CHL1: variants seen among roughly 807,000 people sequenced by gnomAD.
The protein encoded by CHL1 is neural cell adhesion molecule L1-like protein.
A neutral mutation model predicts 141.9 loss-of-function variants in CHL1; 96 were observed. The observed-to-expected ratio is 0.68, with a 90% CI of 0.57 to 0.80. The LOEUF (loss-of-function observed/expected upper bound fraction) is 0.80, where lower values mean the gene tolerates loss of function less well. Ranked by LOEUF, CHL1 falls within the 30% of genes least tolerant of loss-of-function variation. The pLI, the probability that CHL1 is intolerant of heterozygous loss-of-function variation, is 0.00. For synonymous variants in CHL1, 613 were observed against 502.2 expected (o/e 1.22, Z -2.95); for missense variants, 1,820 against 1,457.2 (o/e 1.25, Z -4.05).
At chr3:341,031 T>C (rs1702307357) in intron 6 of CHL1, 115 bp downstream of exon 6, 1 of 1,145,426 alleles carries the variant, frequency 8.7e-7, no homozygotes, top group Non-Finnish European at 1.2e-6. Context: ...AATTTTTTCA[T>C]ATTTGAAGAG....
At chr3:212,836 G>A (rs1404321006) in intron 1 of CHL1, among the ~76,000 whole-genome samples, 5 of 152,146 alleles carry the variant, frequency 3.3e-5, no homozygotes, top group Admixed American at 2.0e-4. Flanking sequence ...CCATTCGACA[G>A]TCTCCAATTC....
chr3:311,406 A>G (rs957191480), intron 2 of CHL1, among the ~76,000 whole-genome samples: 1 of 149,396 alleles, frequency 6.7e-6, no homozygotes, highest in African/African-American at 2.5e-5. Flanking sequence ...TAGCATCAGT[A>G]TCTGTCACAG....
chr3:391,747 C>T lies in CHL1; in HGVS notation c.2864C>T (p.Pro955Leu). ...KDTATLSWGL[P>L]KKLNGNLTGY... The stretch of plus-strand genomic sequence containing the variant: ...ACTGCCACTTTATCTTGGGGACTAC[C>T]TAAGAAATTAAATGGAAACTTAACT... The change falls in exon 23 of 28, where the codon CCT becomes CTT. Residue 955 changes from proline to leucine, a missense_variant. Coordinates refer to ENST00000256509, the MANE Select transcript of CHL1 (RefSeq NM_006614.4). The T allele has an allele frequency of 3.1e-6, 5 of 1,601,426 alleles. No individual in the cohort carries two copies. Among genetic ancestry groups the T allele is most frequent in the Non-Finnish European group, 4.3e-6 (5 of 1,172,014 alleles).
At chr3:317,331 A>G (rs1700219334) in intron 2 of CHL1, among the ~76,000 whole-genome samples, 1 of 152,012 alleles carries the variant, frequency 6.6e-6, no homozygotes, top group Non-Finnish European at 1.5e-5. Context: ...GAGACCAGTG[A>G]ACTTACTGCC....
At chr3:234,692 T>C (rs1691772692) in intron 1 of CHL1, among the ~76,000 whole-genome samples, 1 of 151,986 alleles carries the variant, frequency 6.6e-6, no homozygotes, top group South Asian at 2.1e-4. Flanking sequence ...GCAGGTGCAA[T>C]GGCTCAAGCA....
intron 2 of CHL1, among the ~76,000 whole-genome samples, chr3:259,162 C>A (rs1694464746): frequency 6.6e-6 from 1 of 152,054 alleles, no homozygotes; most frequent in Admixed American, 6.6e-5. Context: ...CTCAAGTGAT[C>A]TGCCCATTTC....
intron 5 of CHL1, among the ~76,000 whole-genome samples, chr3:331,655 C>T (rs908413214): frequency 6.6e-6 from 1 of 151,834 alleles, no homozygotes; most frequent in African/African-American, 2.4e-5. Flanking sequence ...GAAGAAAGTA[C>T]AAACAAAAAT....
At chr3:325,510 C>G (rs548938910) in intron 3 of CHL1, among the ~76,000 whole-genome samples, 5 of 151,982 alleles carry the variant, frequency 3.3e-5, no homozygotes, top group Middle Eastern at 3.4e-3. Flanking sequence ...AAAATTATAG[C>G]ATATCAGTGG....
intron 8 of CHL1, among the ~76,000 whole-genome samples, chr3:343,670 A>G (rs1575119479): frequency 6.6e-6 from 1 of 152,318 alleles, no homozygotes; most frequent in East Asian, 1.9e-4. Context: ...AATATTCTCT[A>G]TAAAATGTGG....
chr3:289,589 G>C (rs187878211), intron 2 of CHL1, among the ~76,000 whole-genome samples: 1 of 152,038 alleles, frequency 6.6e-6, no homozygotes, highest in Non-Finnish European at 1.5e-5. Flanking sequence ...CTTGGTTCCT[G>C]CACGACTCTG....
At chr3:238,135 A>G (rs775989872) in intron 1 of CHL1, among the ~76,000 whole-genome samples, 7 of 152,102 alleles carry the variant, frequency 4.6e-5, no homozygotes, top group Non-Finnish European at 1.0e-4. Flanking sequence ...CTCATGTATC[A>G]TTTTCCTTTT....
chr3:394,483 G>T (rs1022117912), intron 23 of CHL1, among the ~76,000 whole-genome samples: 10 of 152,126 alleles, frequency 6.6e-5, no homozygotes, highest in Non-Finnish European at 1.5e-4. Flanking sequence ...CAAGATGGGA[G>T]CAAAGGGCTT....
At chr3:237,297 G>A (rs1272132800) in intron 1 of CHL1, among the ~76,000 whole-genome samples, 1 of 152,184 alleles carries the variant, frequency 6.6e-6, no homozygotes, top group East Asian at 1.9e-4. Flanking sequence ...CACCATGCAA[G>A]ATGTCCCTTG....
chr3:206,023 A>T (rs1699407356), intron 1 of CHL1, among the ~76,000 whole-genome samples: 1 of 152,044 alleles, frequency 6.6e-6, no homozygotes, highest in Admixed American at 6.5e-5. Context: ...TATGGTCTTC[A>T]CTATGGACTA....
chr3:269,286 G>A (rs1695430086), intron 2 of CHL1, among the ~76,000 whole-genome samples: 1 of 152,176 alleles, frequency 6.6e-6, no homozygotes, highest in Non-Finnish European at 1.5e-5. Context: ...CAAGTCAAGT[G>A]AAGGGCTCCA....
rs1704842735 is a variant in CHL1 at position 366,118 on chromosome 3, A to T, written c.1751+3A>T. On this transcript the variant is annotated splice_donor_region_variant and intron_variant, in intron 15 of 27. Transcript: ENST00000256509. ...ATTAATGGCACAGAAGATGGCAGGTAGGTAAACTATTATGATATGTCATAA... is the reference window on the plus strand; with the variant it reads ...ATTAATGGCACAGAAGATGGCAGGTTGGTAAACTATTATGATATGTCATAA... 2 of 1,612,526 alleles carry T rather than the reference A, an allele frequency of 1.2e-6. No individual in the cohort carries two copies. Among genetic ancestry groups the T allele is most frequent in the Non-Finnish European group, 1.7e-6 (2 of 1,179,032 alleles).
At chr3:340,194 A>G (rs190471391) in intron 5 of CHL1, among the ~76,000 whole-genome samples, 1 of 152,308 alleles carries the variant, frequency 6.6e-6, no homozygotes, top group African/African-American at 2.4e-5. Flanking sequence ...CATTTCCTAC[A>G]TCAATTCCAT....
intron 5 of CHL1, among the ~76,000 whole-genome samples, chr3:331,257 C>T (rs182888454): frequency 6.6e-6 from 1 of 152,040 alleles, no homozygotes; most frequent in Non-Finnish European, 1.5e-5. Flanking sequence ...GGAACTCACT[C>T]TCTCCAGGTC....
chr3:290,365 G>C (rs1468737633), intron 2 of CHL1, among the ~76,000 whole-genome samples: 1 of 152,014 alleles, frequency 6.6e-6, no homozygotes, highest in Non-Finnish European at 1.5e-5. Context: ...TTAATTTGGA[G>C]TACAAATTAA....
Sources: gnomAD v4.1 joint callset for allele counts (sites outside exome capture counted in the v4.1 genomes callset) on GRCh38, gnomAD v4.1.1 for gene constraint, MANE v1.5 for transcripts, NCBI Gene and HGNC (gene_info 2026-07-23, HGNC 2026-07-21) for gene names.